The following NELL2 variants were observed in gnomAD, a reference collection of about 807,000 sequenced individuals.
NELL2 encodes protein kinase C-binding protein NELL2.
A neutral mutation model predicts 109.6 loss-of-function variants in NELL2; 41 were observed. The observed-to-expected ratio is 0.37, with a 90% confidence interval of 0.29 to 0.49. The LOEUF is 0.49. NELL2 is among the 20% of genes least tolerant of loss of function. The pLI is 0.98. For synonymous variants in NELL2, 355 were observed against 344.7 expected (o/e 1.03, Z -0.33); for missense variants, 900 against 1,008.3 (o/e 0.89, Z 1.45).
intron 13 of NELL2, among the ~76,000 whole-genome samples, chr12:44,627,006 C>T (rs938765656): frequency 1.3e-5 from 2 of 152,070 alleles, no homozygotes; most frequent in African/African-American, 4.8e-5. Context: ...TGTGATTTTG[C>T]AAATCCCAGA....
intron 2 of NELL2, among the ~76,000 whole-genome samples, chr12:44,817,162 T>C (rs1943381166): frequency 6.6e-6 from 1 of 152,152 alleles, no homozygotes; most frequent in African/African-American, 2.4e-5. Context: ...GGCCAACAAA[T>C]GTCAGTGGCA....
At chr12:44,684,449 C>A (rs1349241926) in intron 12 of NELL2, among the ~76,000 whole-genome samples, 2 of 151,938 alleles carry the variant, frequency 1.3e-5, no homozygotes, top group African/African-American at 4.8e-5. Context: ...TTATTTCTTG[C>A]CTTCTGCTAG....
chr12:44,738,720 G>A (rs1373060254), intron 9 of NELL2, among the ~76,000 whole-genome samples: 2 of 152,146 alleles, frequency 1.3e-5, no homozygotes, highest in East Asian at 3.9e-4. Flanking sequence ...GTTATATGAT[G>A]AATAAGTTCT....
At chr12:44,659,362 AAAGAGCT>A (rs1947648088) in intron 13 of NELL2, among the ~76,000 whole-genome samples, 2 of 152,204 alleles carry the variant, frequency 1.3e-5, no homozygotes, top group Non-Finnish European at 1.5e-5. Flanking sequence ...TAATTAAACT[AAAGAGCT>A]TCTGCACAGT....
At chr12:44,644,625 T>TATATATATATATAC (rs1455589223) in intron 13 of NELL2, among the ~76,000 whole-genome samples, 18 of 98,758 alleles carry the variant, frequency 1.8e-4, no homozygotes, top group African/African-American at 5.1e-4. Flanking sequence ...TATATATATA[T>TATATATATATATAC]ACATACATAT....
At chr12:44,920,482 C>T (rs1269142284) in intron 1 of NELL2, among the ~76,000 whole-genome samples, 1 of 152,092 alleles carries the variant, frequency 6.6e-6, no homozygotes. Flanking sequence ...CTTCATGTAA[C>T]AAAGGTTTCC....
In NELL2 at chr12:44,645,793, T is replaced by C. The variant is rs138011041; in HGVS notation, c.1444+19691A>G. ...AGTGTCAGGGAGGGTTAGTAACTGG[T>C]TGAGTTTCCCAGTTAGCATGTGATA... On this transcript the variant is annotated intron_variant, in intron 13 of 19. Transcript: ENST00000429094. 2.8e-3 allele frequency among the ~76,000 whole-genome samples: 420 copies of C among 152,280 alleles called. 2 individuals are homozygous for C. Among genetic ancestry groups the C allele is most frequent in the African/African-American group, 5.4e-3 (224 of 41,572 alleles).
intron 1 of NELL2, among the ~76,000 whole-genome samples, chr12:44,890,977 G>A (rs893626486): frequency 3.9e-5 from 6 of 152,108 alleles, no homozygotes; most frequent in Non-Finnish European, 5.9e-5. Flanking sequence ...TGATCCACCC[G>A]CCTCGGCATC....
chr12:44,706,646 T>C (rs1204291812), intron 11 of NELL2, among the ~76,000 whole-genome samples: 1 of 152,196 alleles, frequency 6.6e-6, no homozygotes, highest in Non-Finnish European at 1.5e-5. Flanking sequence ...AAATTATCTA[T>C]GTAAAAGCAT....
intron 12 of NELL2, among the ~76,000 whole-genome samples, chr12:44,676,255 G>A (rs867358848): frequency 6.6e-6 from 1 of 152,210 alleles, no homozygotes; most frequent in South Asian, 2.1e-4. Context: ...CTAGGATAAA[G>A]ACTAAGTTCT....
rs141151860 is a variant in NELL2, at chr12:44,768,564, A to C, written c.994+6183T>G. ...CAATGTTATTTCAAATACTAAATTA[A>C]AGTAATTTTAGTGAGAAAAGACCGT... On this transcript the variant is annotated intron_variant, in intron 9 of 19. Coordinates refer to ENST00000429094, the MANE Select transcript of NELL2 (RefSeq NM_001145108.2). 1.4e-4 allele frequency among the ~76,000 whole-genome samples: 21 copies of C among 152,294 alleles called. No individual in the cohort carries two copies. In the East Asian group the frequency reaches 2.9e-3, roughly 21 times the overall value.
chr12:44,875,709 C>T, intron 1 of NELL2, 106 bp downstream of exon 1: 1 of 1,608,650 alleles, frequency 6.2e-7, no homozygotes, highest in East Asian at 2.2e-5. Flanking sequence ...GCTTCCCACT[C>T]CAGACCTACT....
At chr12:44,513,184 T>C (rs1271044689) in intron 19 of NELL2, among the ~76,000 whole-genome samples, 1 of 151,856 alleles carries the variant, frequency 6.6e-6, no homozygotes, top group Non-Finnish European at 1.5e-5. Flanking sequence ...TACCTACAGA[T>C]TAAGAGATTC....
chr12:44,655,068 T>C (rs975030049), intron 13 of NELL2, among the ~76,000 whole-genome samples: 1 of 152,172 alleles, frequency 6.6e-6, no homozygotes, highest in African/African-American at 2.4e-5. Flanking sequence ...TTTATTCCCC[T>C]AGGGGAGTTT....
intron 9 of NELL2, among the ~76,000 whole-genome samples, chr12:44,725,298 A>G (rs1467298339): frequency 6.6e-6 from 1 of 152,206 alleles, no homozygotes; most frequent in African/African-American, 2.4e-5. Flanking sequence ...GAGTTTCTGC[A>G]CAGCCAAAGA....
At chr12:44,668,424 C>T (rs2136345079) in intron 12 of NELL2, among the ~76,000 whole-genome samples, 1 of 152,212 alleles carries the variant, frequency 6.6e-6, no homozygotes, top group East Asian at 1.9e-4. Context: ...GCTTGTCCCA[C>T]CCAATGCCCC....
Position 44,601,030 on chromosome 12 carries a change from A to ATGATC in NELL2, c.1663+6134_1663+6138dup, listed in dbSNP as rs1259248809. Reference sequence around the variant, plus strand: ...GCACAATACAAGTTAATATACAAAAATGATCTATTGAAAAAAATAATATTT... The same window carrying ATGATC: ...GCACAATACAAGTTAATATACAAAAATGATCTGATCTATTGAAAAAAATAATATTT... On this transcript the variant is annotated intron_variant, in intron 15 of 19. Coordinates refer to ENST00000429094, the MANE Select transcript of NELL2 (RefSeq NM_001145108.2). 3.9e-5 allele frequency among the ~76,000 whole-genome samples: 6 copies of ATGATC among 152,292 alleles called. No homozygotes were observed. In the East Asian group the frequency reaches 1.2e-3, roughly 29 times the overall value.
At chr12:44,670,097 A>G (rs1381100058) in intron 12 of NELL2, among the ~76,000 whole-genome samples, 1 of 152,198 alleles carries the variant, frequency 6.6e-6, no homozygotes, top group Non-Finnish European at 1.5e-5. Flanking sequence ...GTGCTGAAAG[A>G]GAAAAACAAC....
chr12:44,750,387 A>C (rs1172635954), intron 9 of NELL2, among the ~76,000 whole-genome samples: 1 of 152,198 alleles, frequency 6.6e-6, no homozygotes, highest in African/African-American at 2.4e-5. Context: ...TTCCTAATAC[A>C]TTAATGCTAG....
Sources: gnomAD v4.1 joint callset for allele counts (sites outside exome capture counted in the v4.1 genomes callset) on GRCh38, gnomAD v4.1.1 for gene constraint, MANE v1.5 for transcripts, NCBI Gene and HGNC (gene_info 2026-07-23, HGNC 2026-07-21) for gene names.